Variants in ADAM20 observed in about 807,000 individuals in gnomAD.
ADAM20 encodes the protein ADAM metallopeptidase domain 20.
For synonymous variants in ADAM20, 305 were observed against 310.2 expected (o/e 0.98, Z 0.18); for missense variants, 871 against 883.2 (o/e 0.99, Z 0.18).
chr14:70,543,820 G>A, the ADAM20 span, among the ~76,000 whole-genome samples: 4 of 152,190 alleles, frequency 2.6e-5, no homozygotes, highest in East Asian at 1.9e-4. Flanking sequence ...GAAAGAACAC[G>A]CCATCCCTCG....
chr14:70,542,380 A>G, the ADAM20 span, among the ~76,000 whole-genome samples: 2 of 152,210 alleles, frequency 1.3e-5, no homozygotes, highest in South Asian at 4.1e-4. Flanking sequence ...TAAGGAATCA[A>G]ACTTGACTTA....
the ADAM20 span, among the ~76,000 whole-genome samples, chr14:70,571,716 T>C: frequency 1.3e-5 from 2 of 152,198 alleles, no homozygotes; most frequent in African/African-American, 2.4e-5. Context: ...ACTGTTGACA[T>C]AGTCCTGTAC....
At chr14:70,561,068 C>T in the ADAM20 span, among the ~76,000 whole-genome samples, 8 of 152,198 alleles carry the variant, frequency 5.3e-5, no homozygotes, top group Non-Finnish European at 8.8e-5. Context: ...TTCCTAGAAA[C>T]TTATTGAATG....
At chr14:70,569,885 CAAAAAAAAAAAAAAAA>C in the ADAM20 span, among the ~76,000 whole-genome samples, 1,075 of 76,246 alleles carry the variant, frequency 0.014, 30 homozygotes, top group Non-Finnish European at 0.022. Flanking sequence ...AGAAAACTAA[CAAAAAAAAAAAAAAAA>C]AAAAAAAAAA....
rs750308805 is a variant in ADAM20 at position 70,522,684 on chromosome 14, G to A, written c.2074C>T (p.Arg692Cys). ...MEGLNVMGKLRYLSLLCLLPL... is the reference protein window; with the variant it reads ...MEGLNVMGKLCYLSLLCLLPL... ...AGAAGGCACAATAGTGACAGGTAAC[G>A]CAACTTTCCCATCACATTTAATCCT... Residue 692 changes from arginine (R) to cysteine (C), a missense_variant, in exon 2 of 2, where the codon CGT (arginine) becomes TGT (cysteine). Physicochemically the swap from Arg to Cys is radical, Grantham distance 180. Transcript: ENST00000256389. 1.4e-5 allele frequency: 23 copies of A among 1,613,852 alleles called. No homozygotes were observed. Among genetic ancestry groups the A allele is most frequent in the Admixed American group, 5.0e-5 (3 of 59,968 alleles).
rs1398256889 is a variant in ADAM20 at position 70,524,736 on chromosome 14, C to T, written c.22G>A (p.Val8Met). ...AGCAGAAGAGTGACCCTGATGTGCA[C>T]CAGGGGCTCACCCACTGCCATTATG... MAVGEPL[V>M]HIRVTLLLLW... Residue 8 changes from valine to methionine, a missense_variant, in exon 2 of 2, where the codon GTG becomes ATG. Coordinates refer to ENST00000256389, the MANE Select transcript of ADAM20 (RefSeq NM_003814.5). The T allele has an allele frequency of 1.2e-6, 2 of 1,613,798 alleles. No individual in the cohort carries two copies. Among genetic ancestry groups the T allele is most frequent in the East Asian group, 2.2e-5 (1 of 44,888 alleles).
chr14:70,561,935 G>A, the ADAM20 span, among the ~76,000 whole-genome samples: 5 of 152,212 alleles, frequency 3.3e-5, no homozygotes, highest in Admixed American at 1.3e-4. Context: ...AATGCAGAGG[G>A]GAAATGTGGG....
chr14:70,561,551 T>C, the ADAM20 span, among the ~76,000 whole-genome samples: 1 of 152,196 alleles, frequency 6.6e-6, no homozygotes, highest in African/African-American at 2.4e-5. Flanking sequence ...GTCTGCAGGG[T>C]ATTTCAGAGA....
chr14:70,534,108 A>C (rs1181160700), intron 1 of ADAM20, among the ~76,000 whole-genome samples: 2 of 117,900 alleles, frequency 1.7e-5, no homozygotes, highest in Admixed American at 8.2e-5. Flanking sequence ...AAAAAAAAAA[A>C]CACACACACA....
At chr14:70,572,980 G>A in the ADAM20 span, among the ~76,000 whole-genome samples, 1 of 152,060 alleles carries the variant, frequency 6.6e-6, no homozygotes, top group African/African-American at 2.4e-5. Context: ...ATAAATTGTT[G>A]GTAGAGAATG....
At chr14:70,553,604 G>T in the ADAM20 span, among the ~76,000 whole-genome samples, 1 of 149,706 alleles carries the variant, frequency 6.7e-6, no homozygotes, top group African/African-American at 2.5e-5. Flanking sequence ...GACCAAGCAG[G>T]ATTTATCACT....
At chr14:70,579,098 T>G in the ADAM20 span, among the ~76,000 whole-genome samples, 3 of 152,176 alleles carry the variant, frequency 2.0e-5, no homozygotes, top group East Asian at 1.9e-4. Flanking sequence ...GATGGGCACC[T>G]TGACTGATTC....
chr14:70,574,168 T>C, the ADAM20 span, among the ~76,000 whole-genome samples: 5,461 of 152,172 alleles, frequency 0.036, 116 homozygotes, highest in Middle Eastern at 0.058. Context: ...TATATGAAAC[T>C]AGAAATCAAT....
chr14:70,536,484 A>AG (rs1466989188), upstream of ADAM20, among the ~76,000 whole-genome samples: 342 of 136,566 alleles, frequency 2.5e-3, 7 homozygotes, highest in Non-Finnish European at 3.7e-3. Flanking sequence ...AAAAAAAAAA[A>AG]AAAAAAAAAA....
Position 70,524,021 on chromosome 14 carries a change from T to G in ADAM20, c.737A>C (p.His246Pro). The change falls in exon 2 of 2, where the codon CAT becomes CCT. Residue 246 changes from histidine (H) to proline (P), a missense_variant. By Grantham distance (77) the His-to-Pro change is moderately conservative. Coordinates refer to ENST00000256389, the MANE Select transcript of ADAM20 (RefSeq NM_003814.5). ...CAAAATTACATCAACCTCCAAAGGA[T>G]GATAGAAGGAATCCACTATATTGAC... ...NVVNIVDSFY[H>P]PLEVDVILTG... 1.2e-6 allele frequency: 2 copies of G among 1,613,960 alleles called. No individual in the cohort carries two copies. The highest frequency in any genetic ancestry group is 1.7e-6 in the Non-Finnish European group (2 of 1,179,956).
At chr14:70,555,300 T>C in the ADAM20 span, among the ~76,000 whole-genome samples, 52 of 152,354 alleles carry the variant, frequency 3.4e-4, no homozygotes, top group African/African-American at 1.3e-3. Flanking sequence ...AAATGATAAC[T>C]GTGTGAGATG....
upstream of ADAM20, among the ~76,000 whole-genome samples, chr14:70,539,657 G>A (rs372759492): frequency 1.4e-3 from 212 of 152,268 alleles, no homozygotes; most frequent in Middle Eastern, 6.8e-3. Flanking sequence ...ATAGGTTATG[G>A]AAAGACTGTG....
At chr14:70,569,885 CAA>C in the ADAM20 span, among the ~76,000 whole-genome samples, 5,876 of 76,138 alleles carry the variant, frequency 0.077, 24 homozygotes, top group Middle Eastern at 0.11. Context: ...AGAAAACTAA[CAA>C]AAAAAAAAAA....
chr14:70,529,580 A>G (rs1883666257), intron 1 of ADAM20, among the ~76,000 whole-genome samples: 1 of 152,212 alleles, frequency 6.6e-6, no homozygotes, highest in Non-Finnish European at 1.5e-5. Context: ...GCATGCTACT[A>G]TACTGAATAC....
Sources: allele counts gnomAD v4.1 joint callset (sites outside exome capture counted in the v4.1 genomes callset), GRCh38; gene constraint gnomAD v4.1.1; transcripts MANE v1.5; gene names NCBI Gene and HGNC (gene_info 2026-07-23, HGNC 2026-07-21).